FBXL4: variants seen among roughly 807,000 people sequenced by gnomAD.
The protein encoded by FBXL4 is F-box/LRR-repeat protein 4.
In FBXL4, 40 loss-of-function variants were observed where a neutral mutation model predicts 58.9. The ratio of observed to expected loss-of-function variants is 0.68; its 90% CI spans 0.53 to 0.88. The LOEUF (loss-of-function observed/expected upper bound fraction) is 0.88. Among genes scored for constraint, FBXL4 ranks in the 40% least tolerant of loss-of-function variants. The probability of loss-of-function intolerance (pLI) is 0.00; values close to 1 mark genes in which losing one functional copy is unlikely to be tolerated. For missense variants in FBXL4, 676 were observed against 734.4 expected (o/e 0.92, Z 0.92); for synonymous variants, 263 against 265.5 (o/e 0.99, Z 0.09).
intron 5 of FBXL4, among the ~76,000 whole-genome samples, chr6:98,915,519 A>G: frequency 6.6e-6 from 1 of 151,136 alleles, no homozygotes; most frequent in Non-Finnish European, 1.5e-5. Context: ...AACGCCACAT[A>G]TCTACAACTA....
At chr6:98,918,521 T>C (rs960874282) in intron 4 of FBXL4, among the ~76,000 whole-genome samples, 11 of 152,190 alleles carry the variant, frequency 7.2e-5, no homozygotes, top group Non-Finnish European at 1.0e-4. Context: ...CATCTCCAGA[T>C]AAGTCTTCTT....
chr6:98,914,345 T>C (rs949452803), intron 5 of FBXL4, among the ~76,000 whole-genome samples: 14 of 152,216 alleles, frequency 9.2e-5, no homozygotes, highest in African/African-American at 3.4e-4. Context: ...ATACCAAAGC[T>C]GGGCAGAGAC....
intron 6 of FBXL4, among the ~76,000 whole-genome samples, chr6:98,902,753 CACAA>C (rs1771661292): frequency 6.6e-6 from 1 of 151,928 alleles, no homozygotes; most frequent in East Asian, 1.9e-4. Flanking sequence ...AGTTCCAAAG[CACAA>C]ACAGGCAGGC....
In FBXL4 at chr6:98,870,138, T is replaced by C. The variant is rs999673674; in HGVS notation, c.*4140A>G. The C allele has an allele frequency of 5.9e-5, 9 of 152,208 alleles. No homozygotes were observed. Among genetic ancestry groups the C allele is most frequent in the Admixed American group, 3.3e-4 (5 of 15,278 alleles). 9.4% of individuals were successfully genotyped at this position (152,208 alleles called of 1,614,324 possible). ...CATTTTGTTTTTTCTAACAAAACACTGCTCTTCATTTTAAAATCTAAATGG... is the reference window on the plus strand; with the variant it reads ...CATTTTGTTTTTTCTAACAAAACACCGCTCTTCATTTTAAAATCTAAATGG... On this transcript the variant is annotated 3_prime_UTR_variant, in exon 10 of 10. Transcript: ENST00000369244.
In FBXL4 at chr6:98,874,192, A is replaced by T. The variant is rs929088736; in HGVS notation, c.*86T>A. The T allele has an allele frequency of 1.4e-5, 15 of 1,035,028 alleles. No individual in the cohort carries two copies. Among genetic ancestry groups the T allele is most frequent in the Non-Finnish European group, 2.0e-5 (15 of 742,284 alleles). The allele number at this position is 1,035,028 out of a possible 1,614,324, so 64.1% of individuals were successfully genotyped here. A position where few individuals can be genotyped will look rare whatever the true frequency, so the allele number is the denominator to read the frequency against. ...TACAAATGTCTTAATTCTTACCATTAAAACAACTAAAAACAAAACCCAAAA... is the reference window on the plus strand; with the variant it reads ...TACAAATGTCTTAATTCTTACCATTTAAACAACTAAAAACAAAACCCAAAA... On this transcript the variant is annotated 3_prime_UTR_variant, in exon 10 of 10. Coordinates refer to ENST00000369244, the MANE Select transcript of FBXL4 (RefSeq NM_001278716.2).
At chr6:98,909,598 T>C (rs1300259181) in intron 5 of FBXL4, among the ~76,000 whole-genome samples, 1 of 152,240 alleles carries the variant, frequency 6.6e-6, no homozygotes, top group Non-Finnish European at 1.5e-5. Context: ...ATTATATTTC[T>C]ATTTTACAGT....
intron 5 of FBXL4, among the ~76,000 whole-genome samples, chr6:98,913,162 C>T (rs1304338126): frequency 2.0e-5 from 3 of 152,136 alleles, no homozygotes; most frequent in East Asian, 1.9e-4. Context: ...TACAGGAGCA[C>T]CCAGATTCAT....
intron 7 of FBXL4, among the ~76,000 whole-genome samples, chr6:98,893,024 T>G (rs1289410674): frequency 6.6e-6 from 1 of 152,154 alleles, no homozygotes; most frequent in African/African-American, 2.4e-5. Flanking sequence ...TCCAGTCTGC[T>G]GCTAAGCAAC....
chr6:98,912,028 T>C (rs911377797), intron 5 of FBXL4, among the ~76,000 whole-genome samples: 3 of 152,082 alleles, frequency 2.0e-5, no homozygotes, highest in East Asian at 1.9e-4. Flanking sequence ...ACGTGAAGAA[T>C]GCACAAGCCT....
At chr6:98,931,565 T>C in intron 2 of FBXL4, among the ~76,000 whole-genome samples, 1 of 152,166 alleles carries the variant, frequency 6.6e-6, no homozygotes, top group Non-Finnish European at 1.5e-5. Context: ...GAGTCTGATA[T>C]ACCAAAAAAG....
intron 8 of FBXL4, among the ~76,000 whole-genome samples, 177 bp from the exon 9 acceptor site, chr6:98,875,904 G>C (rs2128375942): frequency 6.6e-6 from 1 of 152,236 alleles, no homozygotes; most frequent in African/African-American, 2.4e-5. Context: ...TCATAAAACA[G>C]CCAGGAGTAC....
At chr6:98,938,411 T>C (rs1034942632) in intron 1 of FBXL4, among the ~76,000 whole-genome samples, 1 of 152,024 alleles carries the variant, frequency 6.6e-6, no homozygotes, top group Non-Finnish European at 1.5e-5. Flanking sequence ...ACTCGTGGAG[T>C]TCTGGGTGGC....
At chr6:98,931,743 C>T (rs192212227) in intron 2 of FBXL4, among the ~76,000 whole-genome samples, 2 of 152,250 alleles carry the variant, frequency 1.3e-5, no homozygotes, top group East Asian at 3.9e-4. Context: ...TAAGATGACA[C>T]ATAAAAGTGT....
rs191952443 is a variant in FBXL4 at position 98,940,200 on chromosome 6, T to C, written c.-308-5321A>G. On this transcript the variant is annotated intron_variant, in intron 1 of 9. Transcript: ENST00000369244. ...TTATTTGTGAAATACCTTTTTTTGATATTTCTAGGCTACACAATTTGCAAG... is the reference window on the plus strand; with the variant it reads ...TTATTTGTGAAATACCTTTTTTTGACATTTCTAGGCTACACAATTTGCAAG... 7.2e-5 allele frequency among the ~76,000 whole-genome samples: 11 copies of C among 152,336 alleles called. No homozygotes were observed. The East Asian group carries it at 1.4e-3, about 19-fold the overall frequency.
chr6:98,872,480 A>G lies in FBXL4; in HGVS notation c.*1798T>C, dbSNP rs1461367477. 5.3e-5 allele frequency: 8 copies of G among 152,258 alleles called. No homozygotes were observed. Among genetic ancestry groups the G allele is most frequent in the Non-Finnish European group, 8.8e-5 (6 of 68,046 alleles). The allele number at this position is 152,258 out of a possible 1,614,324, so 9.4% of individuals were successfully genotyped here. A position where few individuals can be genotyped will look rare whatever the true frequency, so the allele number is the denominator to read the frequency against. ...TTACAATCAACTTTAATGACACGAA[A>G]CATTAACTTTGATCCTCCCTGTAAA... On this transcript the variant is annotated 3_prime_UTR_variant, in exon 10 of 10. Coordinates refer to ENST00000369244, the MANE Select transcript of FBXL4 (RefSeq NM_001278716.2).
rs59697294 is a variant in FBXL4, at chr6:98,943,579, C to CAAAAA, written c.-309+4222_-309+4226dup. ...TGGGTGACAGAGCAAGACTCTGTCT[C>CAAAAA]AAAAAAAAAAAAAAAAAAAAAGAAG... On this transcript the variant is annotated intron_variant, in intron 1 of 9. Coordinates refer to ENST00000369244, the MANE Select transcript of FBXL4 (RefSeq NM_001278716.2). Among the ~76,000 whole-genome samples, 378 of 76,230 alleles carry CAAAAA rather than the reference C, an allele frequency of 5.0e-3. 24 individuals carry two copies. The highest frequency in any genetic ancestry group is 0.043 in the East Asian group (107 of 2,460). 50.0% of individuals were successfully genotyped at this position (76,230 alleles called of 152,430 possible).
At chr6:98,913,964 T>C (rs930950639) in intron 5 of FBXL4, among the ~76,000 whole-genome samples, 1 of 151,916 alleles carries the variant, frequency 6.6e-6, no homozygotes, top group South Asian at 2.1e-4. Flanking sequence ...ACGGACTCAA[T>C]AAAAAATGAT....
At chr6:98,938,396 G>A (rs556621057) in intron 1 of FBXL4, among the ~76,000 whole-genome samples, 1 of 152,296 alleles carries the variant, frequency 6.6e-6, no homozygotes, top group East Asian at 1.9e-4. Flanking sequence ...CACCTTCAGT[G>A]TTAAACTCGT....
chr6:98,925,862 C>T (rs1582437653), intron 4 of FBXL4, among the ~76,000 whole-genome samples: 1 of 152,230 alleles, frequency 6.6e-6, no homozygotes, highest in South Asian at 2.1e-4. Flanking sequence ...GGGTCCTAGG[C>T]ACATGGAGAA....
Sources: gnomAD v4.1 joint callset for allele counts (sites outside exome capture counted in the v4.1 genomes callset) on GRCh38, gnomAD v4.1.1 for gene constraint, MANE v1.5 for transcripts, NCBI Gene and HGNC (gene_info 2026-07-23, HGNC 2026-07-21) for gene names.